IARS2: variants seen among roughly 807,000 people sequenced by gnomAD.
The protein encoded by IARS2 is isoleucyl-tRNA synthetase 2, mitochondrial.
In IARS2, 56 loss-of-function variants were observed where a neutral mutation model predicts 126.3. The ratio of observed to expected loss-of-function variants is 0.44; its 90% CI spans 0.36 to 0.55. The LOEUF (loss-of-function observed/expected upper bound fraction) is 0.55, where lower values mean the gene tolerates loss of function less well. Among genes scored for constraint, IARS2 ranks in the 20% least tolerant of loss-of-function variants. The probability of loss-of-function intolerance (pLI) is 0.00; values close to 1 mark genes in which losing one functional copy is unlikely to be tolerated. For missense variants in IARS2, 1,127 were observed against 1,245.9 expected (o/e 0.90, Z 1.44); for synonymous variants, 407 against 441.1 (o/e 0.92, Z 0.97).
intron 12 of IARS2, among the ~76,000 whole-genome samples, chr1:220,123,834 A>G (rs1657100318): frequency 6.6e-6 from 1 of 152,234 alleles, no homozygotes; most frequent in Admixed American, 6.5e-5. Flanking sequence ...AATTTTTGGT[A>G]AACACTTCAT....
chr1:220,131,334 A>C (rs1376409859), intron 14 of IARS2, among the ~76,000 whole-genome samples: 2 of 150,984 alleles, frequency 1.3e-5, no homozygotes, highest in Non-Finnish European at 3.0e-5. Context: ...GTGCCACCAC[A>C]CTCGGTTAAT....
Position 220,102,229 on chromosome 1 carries a change from G to T in IARS2, c.651G>T (p.Gly217=). 2 of 1,611,702 alleles carry T rather than the reference G, an allele frequency of 1.2e-6. No individual in the cohort carries two copies. The highest frequency in any genetic ancestry group is 1.7e-6 in the Non-Finnish European group (2 of 1,179,432). Residue 217 remains glycine, a synonymous_variant, in exon 4 of 23, where the codon GGG becomes GGT. Transcript: ENST00000366922. ...ATAATTGCTACTATACATTTGATGG[G>T]AAGTATGAAGCCAAACAGTTGAGAA... ...DWNNCYYTFD[G]KYEAKQLRTF... is the part of the protein sequence containing the mutation.
chr1:220,114,289 G>C, intron 11 of IARS2, 25 bp from the exon 12 acceptor site: 1 of 1,600,276 alleles, frequency 6.2e-7, no homozygotes, highest in Non-Finnish European at 8.6e-7. Context: ...TCTCTCACAA[G>C]ACTTGATTTA....
Position 220,096,199 on chromosome 1 carries a change from C to G in IARS2, c.363C>G (p.Asp121Glu). Residue 121 changes from aspartate to glutamate, a missense_variant, in exon 2 of 23, where the codon GAC becomes GAG. Transcript: ENST00000366922. ...LHDGPPYANG[D>E]PHVGHALNKI... ...ATGGACCTCCTTATGCAAACGGTGA[C>G]CCTCATGTTGGACATGCTTTAAATA... The G allele has an allele frequency of 6.3e-7, 1 of 1,589,072 alleles. No individual in the cohort carries two copies. The highest frequency in any genetic ancestry group is 8.6e-7 in the Non-Finnish European group (1 of 1,168,348).
intron 2 of IARS2, among the ~76,000 whole-genome samples, chr1:220,097,939 G>T (rs571063221): frequency 3.3e-5 from 5 of 150,528 alleles, no homozygotes; most frequent in Non-Finnish European, 7.4e-5. Flanking sequence ...CAGTGGCGCA[G>T]TCTCGGCTCA....
intron 12 of IARS2, among the ~76,000 whole-genome samples, chr1:220,115,892 T>C (rs1387250932): frequency 1.3e-5 from 2 of 152,178 alleles, no homozygotes; most frequent in African/African-American, 4.8e-5. Context: ...AAGCACAGTA[T>C]TCCATAGATG....
intron 2 of IARS2, among the ~76,000 whole-genome samples, chr1:220,100,214 G>C (rs1375188528): frequency 6.6e-6 from 1 of 152,204 alleles, no homozygotes; most frequent in African/African-American, 2.4e-5. Flanking sequence ...TCCATTCTCT[G>C]AGTACACTGT....
At chr1:220,102,819 A>G (rs1040103665) in intron 7 of IARS2, 42 bp downstream of exon 7, 8 of 1,040,910 alleles carry the variant, frequency 7.7e-6, no homozygotes, top group African/African-American at 3.1e-5. Flanking sequence ...CACAAATAGA[A>G]TGTATTCCAT....
intron 10 of IARS2, among the ~76,000 whole-genome samples, chr1:220,109,153 C>T (rs1216032168): frequency 6.6e-6 from 1 of 152,026 alleles, no homozygotes; most frequent in African/African-American, 2.4e-5. Context: ...GTAATCCCAG[C>T]GCTTTGGGAG....
chr1:220,146,344 G>C (rs1424299159), intron 22 of IARS2, among the ~76,000 whole-genome samples: 1 of 151,688 alleles, frequency 6.6e-6, no homozygotes. Flanking sequence ...GTGAAACCCC[G>C]AATCTACTAA....
chr1:220,136,707 A>G (rs1445581445), intron 15 of IARS2, 102 bp from the exon 16 acceptor site: 4 of 521,502 alleles, frequency 7.7e-6, no homozygotes, highest in African/African-American at 6.0e-5. Flanking sequence ...GAAAAATCAT[A>G]TTTTTGTGTC....
chr1:220,108,039 C>T (rs1034064591), intron 10 of IARS2, among the ~76,000 whole-genome samples: 20 of 152,210 alleles, frequency 1.3e-4, no homozygotes, highest in African/African-American at 4.8e-4. Flanking sequence ...GATGGGATTA[C>T]AGGCATACAC....
intron 10 of IARS2, among the ~76,000 whole-genome samples, chr1:220,109,125 G>A (rs1054580797): frequency 2.0e-5 from 3 of 151,934 alleles, no homozygotes; most frequent in Non-Finnish European, 4.4e-5. Context: ...GCCCGGCCAG[G>A]CACGGTGGCT....
intron 11 of IARS2, among the ~76,000 whole-genome samples, chr1:220,113,702 T>G (rs1453414010): frequency 6.7e-6 from 1 of 149,996 alleles, no homozygotes; most frequent in Admixed American, 6.6e-5. Flanking sequence ...TGGAGTGCAC[T>G]GCCATGCTCA....
Position 220,102,542 on chromosome 1 carries a change from G to A in IARS2, c.797G>A (p.Ser266Asn). The A allele has an allele frequency of 6.2e-7, 1 of 1,613,984 alleles. No homozygotes were observed. Among genetic ancestry groups the A allele is most frequent in the Non-Finnish European group, 8.5e-7 (1 of 1,179,958 alleles). Residue 266 changes from serine (S) to asparagine (N), a missense_variant, in exon 6 of 23, where the codon AGT becomes AAT. Coordinates refer to ENST00000366922, the MANE Select transcript of IARS2 (RefSeq NM_018060.4). ...AELEYNPEHV[S>N]RSIYVKFPLL... ...CTTGAATATAATCCTGAGCATGTCA[G>A]TCGTTCAATATATGTAAAATTTCCT...
At chr1:220,141,707 A>G in intron 19 of IARS2, 96 bp from the exon 20 acceptor site, 1 of 1,163,302 alleles carries the variant, frequency 8.6e-7, no homozygotes, top group African/African-American at 1.5e-5. Flanking sequence ...CCATAGGATT[A>G]GCCACTAGGA....
chr1:220,135,844 A>G (rs1462650953), intron 15 of IARS2, among the ~76,000 whole-genome samples: 3 of 92,180 alleles, frequency 3.3e-5, no homozygotes, highest in African/African-American at 1.3e-4. Context: ...AGTGAGTTAT[A>G]TAGTTTTTCC....
intron 12 of IARS2, among the ~76,000 whole-genome samples, chr1:220,121,045 T>C (rs915318319): frequency 2.0e-5 from 3 of 152,182 alleles, no homozygotes; most frequent in Non-Finnish European, 1.5e-5. Context: ...ATGTTTCTTT[T>C]GGATACATTG....
At chr1:220,145,060 TA>T (rs1235087995) in intron 21 of IARS2, among the ~76,000 whole-genome samples, 1 of 151,724 alleles carries the variant, frequency 6.6e-6, no homozygotes, top group African/African-American at 2.4e-5. Flanking sequence ...GATAGTATTT[TA>T]GCCCCTCACC....
Sources: gnomAD v4.1 joint callset for allele counts (sites outside exome capture counted in the v4.1 genomes callset) on GRCh38, gnomAD v4.1.1 for gene constraint, MANE v1.5 for transcripts, NCBI Gene and HGNC (gene_info 2026-07-23, HGNC 2026-07-21) for gene names.